Variants in GAD1 observed in about 807,000 individuals in gnomAD.
The protein encoded by GAD1 is glutamate decarboxylase 1, also known as 67 kDa glutamic acid decarboxylase.
Under a neutral mutation model 75.2 loss-of-function variants are expected in GAD1, and 35 were observed. The observed-to-expected ratio is 0.47, with a 90% CI of 0.36 to 0.62. The LOEUF (loss-of-function observed/expected upper bound fraction) is 0.62. Ranked by LOEUF, GAD1 falls within the 20% of genes least tolerant of loss-of-function variation. The probability of loss-of-function intolerance (pLI) is 0.00; values close to 1 mark genes in which losing one functional copy is unlikely to be tolerated. For synonymous variants in GAD1, 257 were observed against 271.9 expected (o/e 0.95, Z 0.54); for missense variants, 490 against 758.5 (o/e 0.65, Z 4.16).
chr2:170,844,797 G>T (rs979206142), intron 7 of GAD1, among the ~76,000 whole-genome samples: 2 of 152,210 alleles, frequency 1.3e-5, no homozygotes, highest in African/African-American at 4.8e-5. Flanking sequence ...CAGTGTGATT[G>T]TGTACAAGGG....
chr2:170,826,208 G>A (rs1006470714), intron 3 of GAD1, among the ~76,000 whole-genome samples: 11 of 152,182 alleles, frequency 7.2e-5, no homozygotes, highest in East Asian at 1.9e-4. Context: ...ACAGGATTTA[G>A]AGAGGATTCT....
intron 14 of GAD1, among the ~76,000 whole-genome samples, chr2:170,856,624 C>A (rs1351903425): frequency 6.6e-6 from 1 of 152,180 alleles, no homozygotes; most frequent in African/African-American, 2.4e-5. Context: ...AGTCAACAGA[C>A]AAAATCCCTT....
At chr2:170,837,855 G>A (rs936179552) in intron 6 of GAD1, among the ~76,000 whole-genome samples, 4 of 152,216 alleles carry the variant, frequency 2.6e-5, no homozygotes, top group Non-Finnish European at 4.4e-5. Flanking sequence ...TAAAAGGGTA[G>A]TATTGCTTAA....
In GAD1 at chr2:170,818,751, C is replaced by A. The variant is rs772297866; in HGVS notation, c.82+78C>A. On this transcript the variant is annotated intron_variant, in intron 2 of 16. Transcript: ENST00000358196. The surrounding 1 kb of genome is among the most constrained non-coding windows in gnomAD (Gnocchi z 5.9). Reference sequence around the variant, plus strand: ...CTGGGACGTCGGGAGGCTGAGCTGGCGGAAAGGGAAGGGGGAGCGCGGAGA... The same window carrying A: ...CTGGGACGTCGGGAGGCTGAGCTGGAGGAAAGGGAAGGGGGAGCGCGGAGA... 1.4e-5 allele frequency: 19 copies of A among 1,389,322 alleles called. No homozygotes were observed. Among genetic ancestry groups the A allele is most frequent in the Non-Finnish European group, 1.8e-5 (18 of 975,598 alleles). 86.1% of individuals were successfully genotyped at this position (1,389,322 alleles called of 1,614,324 possible). A position where few individuals can be genotyped will look rare whatever the true frequency, so the allele number is the denominator to read the frequency against.
intron 2 of GAD1, 39 bp from the exon 3 acceptor site, chr2:170,822,048 C>A (rs199710477): frequency 6.4e-7 from 1 of 1,566,354 alleles, no homozygotes; most frequent in Non-Finnish European, 8.7e-7. Flanking sequence ...GCGGTCGGAA[C>A]CTCCCTAACC....
chr2:170,813,327 A>G (rs1701643454), upstream of GAD1: 1 of 152,230 alleles, frequency 6.6e-6, no homozygotes, highest in Non-Finnish European at 1.5e-5. Flanking sequence ...TTTAAAGTAC[A>G]AAAACAGCAA....
intron 5 of GAD1, among the ~76,000 whole-genome samples, chr2:170,833,354 C>T (rs751199445): frequency 8.5e-5 from 13 of 152,210 alleles, no homozygotes; most frequent in Non-Finnish European, 1.6e-4. Context: ...ATACACAAGA[C>T]TCAGTTATAT....
At chr2:170,822,229 C>T in intron 3 of GAD1, 80 bp downstream of exon 3, 2 of 1,175,292 alleles carry the variant, frequency 1.7e-6, no homozygotes, top group South Asian at 1.3e-5. Flanking sequence ...GGGACGCAAG[C>T]GGAGGGGGAT....
intron 10 of GAD1, 51 bp downstream of exon 10, chr2:170,846,114 T>G: frequency 7.0e-7 from 1 of 1,425,384 alleles, no homozygotes; most frequent in Non-Finnish European, 9.9e-7. Flanking sequence ...ACCTTCTTTC[T>G]GTCCTAGACA....
intron 3 of GAD1, among the ~76,000 whole-genome samples, chr2:170,826,083 C>G (rs978570380): frequency 6.6e-6 from 1 of 152,130 alleles, no homozygotes; most frequent in African/African-American, 2.4e-5. Flanking sequence ...GAACAAACAC[C>G]TTCCTAAACA....
At chr2:170,841,828 G>T (rs1702525111) in intron 6 of GAD1, among the ~76,000 whole-genome samples, 1 of 152,146 alleles carries the variant, frequency 6.6e-6, no homozygotes, top group Non-Finnish European at 1.5e-5. Context: ...CTCAGGCAGG[G>T]ACTATCAAAC....
intron 11 of GAD1, chr2:170,848,741 C>T (rs1702689543): frequency 1.9e-6 from 1 of 518,712 alleles, no homozygotes; most frequent in African/African-American, 1.9e-5. Flanking sequence ...GAACTAATGA[C>T]TAACAAAGGC....
intron 4 of GAD1, 32 bp downstream of exon 4, chr2:170,829,665 G>C: frequency 6.2e-7 from 1 of 1,606,402 alleles, no homozygotes; most frequent in South Asian, 1.1e-5. Context: ...CCCCATGCTA[G>C]CCAGTAGATT....
chr2:170,815,174 A>G (rs2356236), upstream of GAD1, among the ~76,000 whole-genome samples: 43,548 of 152,032 alleles, frequency 0.29, 7,089 homozygotes, highest in East Asian at 0.5. Flanking sequence ...CACTTCAAGC[A>G]GCGCAGAGCA....
At chr2:170,821,999 C>T in intron 2 of GAD1, 88 bp from the exon 3 acceptor site, 1 of 1,132,910 alleles carries the variant, frequency 8.8e-7, no homozygotes, top group South Asian at 1.3e-5. Flanking sequence ...AAGTCCTCAT[C>T]CTCCCCCAAG....
At chr2:170,824,105 C>A (rs1372895963) in intron 3 of GAD1, among the ~76,000 whole-genome samples, 1 of 152,194 alleles carries the variant, frequency 6.6e-6, no homozygotes, top group East Asian at 1.9e-4. Flanking sequence ...GGAGGGAGAG[C>A]TCCTGGGGGC....
chr2:170,845,935 G>A (rs1702621464), intron 9 of GAD1, 74 bp from the exon 10 acceptor site: 18 of 1,510,792 alleles, frequency 1.2e-5, no homozygotes, highest in Non-Finnish European at 1.6e-5. Flanking sequence ...GCTTTTTGCT[G>A]CTGCTAAAGT....
chr2:170,842,888 C>T, intron 6 of GAD1: 1 of 625,374 alleles, frequency 1.6e-6, no homozygotes, highest in South Asian at 2.1e-5. Flanking sequence ...TTATCTCATC[C>T]TTACAAATAG....
Position 170,853,897 on chromosome 2 carries a change from A to T in GAD1, c.1288A>T (p.Met430Leu). The change falls in exon 14 of 17, where the codon ATG becomes TTG. Residue 430 changes from methionine (M) to leucine (L), a missense_variant. Physicochemically the swap from Met to Leu is conservative, Grantham distance 15. This residue lies in a region of GAD1 where 324 missense variants were observed against 523.9 expected (regional missense o/e 0.62). Transcript: ENST00000358196. This position sits in a 1 kb window ranked among gnomAD's most constrained non-coding sequence, Gnocchi z 4.1. ...EKGILQGCNQMCAGYLFQPDK... is the reference protein window; with the variant it reads ...EKGILQGCNQLCAGYLFQPDK... ...GGGTATACTCCAAGGATGCAACCAG[A>T]TGTGTGCAGGATACCTCTTCCAGCC... 1 of 1,614,132 alleles carries T rather than the reference A, an allele frequency of 6.2e-7. No homozygotes were observed. The highest frequency in any genetic ancestry group is 1.3e-5 in the African/African-American group (1 of 75,030).
Sources: allele counts gnomAD v4.1 joint callset (sites outside exome capture counted in the v4.1 genomes callset), GRCh38; gene constraint gnomAD v4.1.1; regional missense constraint gnomAD v4.1.1; non-coding constraint Gnocchi (gnomAD v3.1); transcripts MANE v1.5; gene names NCBI Gene and HGNC (gene_info 2026-07-23, HGNC 2026-07-21).